NTNG1: variants seen among roughly 807,000 people sequenced by gnomAD.
NTNG1 encodes netrin-G1.
A neutral mutation model predicts 54.0 loss-of-function variants in NTNG1; 16 were observed. The ratio of observed to expected loss-of-function variants is 0.30; its 90% CI spans 0.20 to 0.45. The LOEUF (loss-of-function observed/expected upper bound fraction) is 0.45, where lower values mean the gene tolerates loss of function less well. NTNG1 is among the 20% of genes least tolerant of loss of function. The pLI is 1.00. For synonymous variants in NTNG1, 255 were observed against 263.1 expected, an observed-to-expected ratio of 0.97 and a Z score of 0.30; for missense variants, 530 against 678.7, an observed-to-expected ratio of 0.78 and a Z score of 2.43.
intron 5 of NTNG1, 69 bp from the exon 6 acceptor site, chr1:107,430,681 C>A: frequency 6.7e-7 from 1 of 1,489,390 alleles, no homozygotes; most frequent in Non-Finnish European, 9.3e-7. Context: ...TCATTTTACC[C>A]AAGCATGTAG....
At chr1:107,142,307 C>CT (rs11408012) in intron 1 of NTNG1, among the ~76,000 whole-genome samples, 69,994 of 146,096 alleles carry the variant, frequency 0.48, 16,714 homozygotes, top group African/African-American at 0.56. Flanking sequence ...CACCCGGGGA[C>CT]TTTTTTTTTT....
chr1:107,158,476 A>T (rs1655164045), intron 2 of NTNG1, among the ~76,000 whole-genome samples: 1 of 152,156 alleles, frequency 6.6e-6, no homozygotes, highest in South Asian at 2.1e-4. Flanking sequence ...GAATTGAACT[A>T]AGTGTTGCTC....
rs142173659 is a variant in NTNG1, at chr1:107,349,413, A to G, written c.887+24491A>G. 6.9e-3 allele frequency among the ~76,000 whole-genome samples: 1,055 copies of G among 152,258 alleles called. 13 individuals carry two copies. The highest frequency in any genetic ancestry group is 0.021 in the African/African-American group (865 of 41,558). Reference sequence around the variant, plus strand: ...TAAAATCCTTTTTAATGAAACATACAAAGAATGTATGTAGAATAGATCTAG... The same window carrying G: ...TAAAATCCTTTTTAATGAAACATACGAAGAATGTATGTAGAATAGATCTAG... On this transcript the variant is annotated intron_variant, in intron 3 of 7. Transcript: ENST00000370068.
intron 2 of NTNG1, among the ~76,000 whole-genome samples, chr1:107,240,231 A>G (rs990804239): frequency 2.6e-5 from 4 of 152,152 alleles, no homozygotes; most frequent in African/African-American, 7.2e-5. Context: ...CTTTGCCAAC[A>G]AACAGTTTTA....
chr1:107,246,586 C>T lies in NTNG1; in HGVS notation c.247-77696C>T, dbSNP rs1662218842. Among the ~76,000 whole-genome samples, 2 of 151,972 alleles carry T rather than the reference C, an allele frequency of 1.3e-5. 1 individual carries two copies. Among genetic ancestry groups the T allele is most frequent in the South Asian group, 4.1e-4 (2 of 4,822 alleles). ...GTTTCCATTTGATTTTTCTCATCTA[C>T]TCCTATTTCCTGTAATATAATATAT... is the stretch of plus-strand genomic sequence containing the variant. On this transcript the variant is annotated intron_variant, in intron 2 of 7. Coordinates refer to ENST00000370068, the MANE Select transcript of NTNG1 (RefSeq NM_001113226.3).
chr1:107,238,226 G>A (rs2101566291), intron 2 of NTNG1, among the ~76,000 whole-genome samples: 1 of 152,300 alleles, frequency 6.6e-6, no homozygotes, highest in African/African-American at 2.4e-5. Context: ...TGCCCCACTG[G>A]ATTTCAGACT....
At chr1:107,209,369 A>G (rs1219657970) in intron 2 of NTNG1, among the ~76,000 whole-genome samples, 1 of 152,122 alleles carries the variant, frequency 6.6e-6, no homozygotes, top group Non-Finnish European at 1.5e-5. Context: ...TATACTCTTA[A>G]GGAAGGCAGA....
At chr1:107,259,590 C>T (rs1389829454) in intron 2 of NTNG1, among the ~76,000 whole-genome samples, 1 of 152,164 alleles carries the variant, frequency 6.6e-6, no homozygotes, top group Non-Finnish European at 1.5e-5. Flanking sequence ...CCCTCAAGCT[C>T]TTCTCTTTAA....
chr1:107,303,356 TA>T (rs1385920280), intron 2 of NTNG1, among the ~76,000 whole-genome samples: 2 of 152,164 alleles, frequency 1.3e-5, no homozygotes, highest in Non-Finnish European at 2.9e-5. Context: ...AAGTGAGGAA[TA>T]AAAGAGACAT....
intron 2 of NTNG1, among the ~76,000 whole-genome samples, chr1:107,179,971 A>T (rs2101127544): frequency 1.3e-5 from 2 of 152,256 alleles, no homozygotes; most frequent in African/African-American, 4.8e-5. Flanking sequence ...CTCCACTTTA[A>T]AACTCCGGTG....
chr1:107,465,837 A>T (rs1207643054), intron 7 of NTNG1, among the ~76,000 whole-genome samples: 1 of 152,224 alleles, frequency 6.6e-6, no homozygotes, highest in Non-Finnish European at 1.5e-5. Context: ...AAGTAATAAT[A>T]ATAACAATAA....
At chr1:107,444,676 C>T (rs185508538) in intron 7 of NTNG1, among the ~76,000 whole-genome samples, 1 of 152,196 alleles carries the variant, frequency 6.6e-6, no homozygotes, top group Non-Finnish European at 1.5e-5. Context: ...TTGAGAAGGA[C>T]ATGTATGCTC....
chr1:107,461,413 G>A (rs1677272704), intron 7 of NTNG1, among the ~76,000 whole-genome samples: 1 of 152,150 alleles, frequency 6.6e-6, no homozygotes, highest in South Asian at 2.1e-4. Context: ...ATGGAAGGAA[G>A]CAAGTATGGC....
At chr1:107,385,310 T>TA (rs1429318480) in intron 3 of NTNG1, among the ~76,000 whole-genome samples, 1 of 151,916 alleles carries the variant, frequency 6.6e-6, no homozygotes, top group African/African-American at 2.4e-5. Context: ...GCCACGCCAC[T>TA]ACTCTCTGGT....
chr1:107,376,006 G>T (rs1319445779), intron 3 of NTNG1, among the ~76,000 whole-genome samples: 1 of 152,186 alleles, frequency 6.6e-6, no homozygotes, highest in African/African-American at 2.4e-5. Flanking sequence ...TATCTGCCTA[G>T]AAAACAATAA....
intron 2 of NTNG1, among the ~76,000 whole-genome samples, chr1:107,221,709 C>A (rs1213594436): frequency 6.6e-6 from 1 of 152,150 alleles, no homozygotes; most frequent in Non-Finnish European, 1.5e-5. Flanking sequence ...TGGCTGGCAC[C>A]TGGTATGTGC....
chr1:107,217,132 G>C (rs1411853206), intron 2 of NTNG1, among the ~76,000 whole-genome samples: 1 of 150,994 alleles, frequency 6.6e-6, no homozygotes, highest in South Asian at 2.1e-4. Context: ...GCTTGTTATT[G>C]GTCTGTCCAG....
chr1:107,387,414 C>A (rs902197812), intron 3 of NTNG1, among the ~76,000 whole-genome samples: 9 of 152,204 alleles, frequency 5.9e-5, no homozygotes, highest in Admixed American at 3.9e-4. Context: ...TACAGTGTTT[C>A]TCAAAGCTTA....
chr1:107,269,916 A>T (rs1326822664), intron 2 of NTNG1, among the ~76,000 whole-genome samples: 4 of 152,242 alleles, frequency 2.6e-5, no homozygotes, highest in Non-Finnish European at 5.9e-5. Flanking sequence ...CCCTCACAAT[A>T]GTGGTCTAAG....
Sources: gnomAD v4.1 joint callset for allele counts (sites outside exome capture counted in the v4.1 genomes callset) on GRCh38, gnomAD v4.1.1 for gene constraint, MANE v1.5 for transcripts, NCBI Gene and HGNC (gene_info 2026-07-23, HGNC 2026-07-21) for gene names.